NDUFAF2: variants seen among roughly 807,000 people sequenced by gnomAD.
NDUFAF2 encodes NADH:ubiquinone oxidoreductase complex assembly factor 2.
Under a neutral mutation model 22.8 loss-of-function variants are expected in NDUFAF2, and 13 were observed. That is an observed-to-expected ratio of 0.57 (90% CI 0.37 to 0.91). The LOEUF is 0.91. Among genes scored for constraint, NDUFAF2 ranks in the 40% least tolerant of loss-of-function variants. The pLI is 0.01. For missense variants in NDUFAF2, 162 were observed against 195.2 expected (o/e 0.83, Z 1.01); for synonymous variants, 53 against 64.2 (o/e 0.83, Z 0.84).
In NDUFAF2 at chr5:60,945,213, T is replaced by C; in HGVS notation, c.-43T>C. 1 of 1,606,316 alleles carries C rather than the reference T, an allele frequency of 6.2e-7. No homozygotes were observed. The highest frequency in any genetic ancestry group is 1.1e-5 in the South Asian group (1 of 90,098). On this transcript the variant is annotated 5_prime_UTR_variant, in exon 1 of 4. Transcript: ENST00000296597. ...TCGGCGGCTGGAGCATTACCCCTACTGCGGGTCCCGCTGCTGGCAGCGCTG... is the reference window on the plus strand; with the variant it reads ...TCGGCGGCTGGAGCATTACCCCTACCGCGGGTCCCGCTGCTGGCAGCGCTG...
chr5:61,092,074 A>AT (rs1426340998), intron 2 of NDUFAF2, among the ~76,000 whole-genome samples: 6 of 152,152 alleles, frequency 3.9e-5, no homozygotes, highest in African/African-American at 1.4e-4. Flanking sequence ...TATCAGTACC[A>AT]TGCTGTTTTG....
At position 61,036,654 on chromosome 5, in the gene NDUFAF2, A is replaced by G. The variant is rs6883019; in HGVS notation, c.128-36471A>G. ...GGTATAGGAAACCACCACAAATTCA[A>G]TACTGGAAGGATGACAGCAGGATGT... On this transcript the variant is annotated intron_variant, in intron 1 of 3. Coordinates refer to ENST00000296597, the MANE Select transcript of NDUFAF2 (RefSeq NM_174889.5). Among the ~76,000 whole-genome samples, 1,067 of 152,310 alleles carry G rather than the reference A, an allele frequency of 7.0e-3. 20 individuals are homozygous for G. Among genetic ancestry groups the G allele is most frequent in the African/African-American group, 0.024 (1,006 of 41,552 alleles).
At chr5:60,972,283 G>A (rs1750843612) in intron 1 of NDUFAF2, among the ~76,000 whole-genome samples, 1 of 151,002 alleles carries the variant, frequency 6.6e-6, no homozygotes, top group Middle Eastern at 3.4e-3. Context: ...ATATGGTTTG[G>A]CTCTGTGTCC....
At chr5:61,011,865 A>G (rs924477971) in intron 1 of NDUFAF2, among the ~76,000 whole-genome samples, 1 of 151,952 alleles carries the variant, frequency 6.6e-6, no homozygotes, top group Non-Finnish European at 1.5e-5. Context: ...GGTGTTTAGT[A>G]TGTTCTCTTT....
At chr5:61,013,739 T>C (rs1009051649) in intron 1 of NDUFAF2, among the ~76,000 whole-genome samples, 4 of 152,014 alleles carry the variant, frequency 2.6e-5, no homozygotes, top group Admixed American at 2.0e-4. Context: ...ATTCCTAGTT[T>C]AGGTGAAAAA....
chr5:61,124,161 A>G (rs1753007596), intron 3 of NDUFAF2, among the ~76,000 whole-genome samples: 1 of 151,932 alleles, frequency 6.6e-6, no homozygotes, highest in Non-Finnish European at 1.5e-5. Flanking sequence ...TGACTGACAG[A>G]TGGTGCAAAG....
intron 2 of NDUFAF2, among the ~76,000 whole-genome samples, chr5:61,096,448 A>G (rs1037513163): frequency 2.0e-5 from 3 of 151,802 alleles, no homozygotes. Flanking sequence ...AAAATACAAA[A>G]ATTAGCTGGG....
intron 3 of NDUFAF2, among the ~76,000 whole-genome samples, chr5:61,128,780 A>C (rs1267885035): frequency 6.6e-6 from 1 of 152,180 alleles, no homozygotes; most frequent in Non-Finnish European, 1.5e-5. Flanking sequence ...AATGGCAACA[A>C]AAGCCAAAAT....
chr5:61,074,542 ACG>A (rs1175158439), intron 2 of NDUFAF2, among the ~76,000 whole-genome samples: 2 of 148,502 alleles, frequency 1.3e-5, no homozygotes, highest in African/African-American at 5.0e-5. Flanking sequence ...AGCCAAGATC[ACG>A]CCACTGCACT....
At position 61,153,013 on chromosome 5, in the gene NDUFAF2, G is replaced by C; in HGVS notation, c.*58G>C. On this transcript the variant is annotated 3_prime_UTR_variant, in exon 4 of 4. Coordinates refer to ENST00000296597, the MANE Select transcript of NDUFAF2 (RefSeq NM_174889.5). Reference sequence around the variant, plus strand: ...GATGTGACTATTTTAACAAATAAAAGAAGTGAAAAGTTATTTACCTTGTAT... The same window carrying C: ...GATGTGACTATTTTAACAAATAAAACAAGTGAAAAGTTATTTACCTTGTAT... 2 of 1,571,106 alleles carry C rather than the reference G, an allele frequency of 1.3e-6. No individual in the cohort carries two copies. Among genetic ancestry groups the C allele is most frequent in the Non-Finnish European group, 1.7e-6 (2 of 1,146,806 alleles).
chr5:61,068,472 A>T (rs1752256740), intron 1 of NDUFAF2, among the ~76,000 whole-genome samples: 1 of 152,140 alleles, frequency 6.6e-6, no homozygotes. Flanking sequence ...AGGAAAAAGG[A>T]TATAGGTACA....
At chr5:61,074,783 A>AAAAGC (rs1436753736) in intron 2 of NDUFAF2, among the ~76,000 whole-genome samples, 1 of 152,108 alleles carries the variant, frequency 6.6e-6, no homozygotes, top group African/African-American at 2.4e-5. Context: ...AAAAGAAAAG[A>AAAAGC]AATACCTGAA....
chr5:60,963,976 T>G (rs1182346909), intron 1 of NDUFAF2, among the ~76,000 whole-genome samples: 1 of 152,204 alleles, frequency 6.6e-6, no homozygotes, highest in Non-Finnish European at 1.5e-5. Flanking sequence ...GCTTTCACTG[T>G]GAATAAAATG....
intron 1 of NDUFAF2, among the ~76,000 whole-genome samples, chr5:61,065,874 G>A (rs1053799960): frequency 6.6e-6 from 1 of 151,700 alleles, no homozygotes; most frequent in Non-Finnish European, 1.5e-5. Flanking sequence ...GAAATAAAAG[G>A]CATCCAAATC....
chr5:60,953,599 G>A (rs1395495470), intron 1 of NDUFAF2, among the ~76,000 whole-genome samples: 4 of 152,208 alleles, frequency 2.6e-5, no homozygotes, highest in East Asian at 1.9e-4. Flanking sequence ...TGTCTGAAAA[G>A]ATTTTTATTC....
chr5:61,084,632 A>G (rs1352850338), intron 2 of NDUFAF2, among the ~76,000 whole-genome samples: 1 of 152,182 alleles, frequency 6.6e-6, no homozygotes, highest in Middle Eastern at 3.2e-3. Context: ...TGGTTCATCC[A>G]TGTTACAGGA....
Position 61,152,847 on chromosome 5 carries a change from T to G in NDUFAF2, c.402T>G (p.Ser134=), listed in dbSNP as rs1431410761. 1 of 1,608,618 alleles carries G rather than the reference T, an allele frequency of 6.2e-7. No individual in the cohort carries two copies. Among genetic ancestry groups the G allele is most frequent in the Non-Finnish European group, 8.5e-7 (1 of 1,177,058 alleles). Residue 134 remains serine, a synonymous_variant, in exon 4 of 4, where the codon TCT becomes TCG. Transcript: ENST00000296597. ...AAACTCAAATTAAAGGCCATGCCTCTGCTCCATACTTTGGAAAGGAAGAAC... is the reference window on the plus strand; with the variant it reads ...AAACTCAAATTAAAGGCCATGCCTCGGCTCCATACTTTGGAAAGGAAGAAC... The part of the protein sequence containing the change: ...PVQTQIKGHA[S]APYFGKEEPS...
intron 1 of NDUFAF2, among the ~76,000 whole-genome samples, chr5:61,034,013 T>A (rs1751762855): frequency 6.6e-6 from 1 of 152,166 alleles, no homozygotes; most frequent in Non-Finnish European, 1.5e-5. Context: ...TAAAGTAGAA[T>A]CTTGAGAGAA....
intron 1 of NDUFAF2, among the ~76,000 whole-genome samples, chr5:60,972,794 C>T (rs73759449): frequency 0.024 from 1,937 of 81,840 alleles, no homozygotes; most frequent in Middle Eastern, 0.061. Flanking sequence ...TTTTGGTTTT[C>T]TTTTTTTTTT....
Sources: allele counts gnomAD v4.1 joint callset (sites outside exome capture counted in the v4.1 genomes callset), GRCh38; gene constraint gnomAD v4.1.1; transcripts MANE v1.5; gene names NCBI Gene and HGNC (gene_info 2026-07-23, HGNC 2026-07-21).